Variants in TSEN34 observed in about 807,000 individuals in gnomAD.
TSEN34 encodes the protein tRNA-splicing endonuclease subunit Sen34.
Under a neutral mutation model 30.2 loss-of-function variants are expected in TSEN34, and 25 were observed. That is an observed-to-expected ratio of 0.83 (90% CI 0.60 to 1.16). TSEN34 has a LOEUF of 1.16. TSEN34 is among the 50% of genes most tolerant of loss of function. The pLI, the probability that TSEN34 is intolerant of heterozygous loss-of-function variation, is 0.00. For missense variants in TSEN34, 475 were observed against 411.9 expected (o/e 1.15, Z -1.33); for synonymous variants, 209 against 177.4 (o/e 1.18, Z -1.41).
At chr19:54,190,233 G>A, upstream of TSEN34, 1 of 832,064 alleles carries the variant, frequency 1.2e-6, no homozygotes, top group Non-Finnish European at 1.9e-6. Flanking sequence ...TGCGAGGGGC[G>A]GGACCTGACT....
In TSEN34 at chr19:54,192,139, C is replaced by A; in HGVS notation, c.511C>A (p.Pro171Thr). The change falls in exon 3 of 4, where the codon CCC (proline) becomes ACC (threonine). Residue 171 changes from proline (P) to threonine (T), a missense_variant. Transcript: ENST00000396388. ...EAGPSSSQAG[P>T]SNGVAPLPRS... is the part of the protein sequence containing the mutation. ...AGGCCCCTCGTCTTCCCAAGCAGGA[C>A]CCTCAAATGGGGTAGCCCCCTTGCC... 3.1e-6 allele frequency: 5 copies of A among 1,614,238 alleles called. No individual in the cohort carries two copies. The highest frequency in any genetic ancestry group is 4.2e-6 in the Non-Finnish European group (5 of 1,180,042).
chr19:54,190,688 G>C (rs1055799435), upstream of TSEN34: 16 of 1,228,348 alleles, frequency 1.3e-5, no homozygotes, highest in Non-Finnish European at 1.6e-5. Context: ...ACGTCAAATT[G>C]CTGGCGTTCG....
Position 54,191,369 on chromosome 19 carries a change from TG to T in TSEN34, c.7del (p.Val3TrpfsTer31). On this transcript the variant is annotated frameshift_variant, in exon 1 of 4. Coordinates refer to ENST00000396388, the MANE Select transcript of TSEN34 (RefSeq NM_001077446.4). LOFTEE classifies it high-confidence loss of function. ...CCTCCCGGCTCCCGCAGGAGGATGC[TG>T]GTGGTGGAGGTGGCGAACGGCCGCT... M[L>X]VVEVANGRSL... 6.5e-7 allele frequency: 1 copy of T among 1,550,048 alleles called. No individual in the cohort carries two copies. Among genetic ancestry groups the T allele is most frequent in the Non-Finnish European group, 8.7e-7 (1 of 1,147,206 alleles).
upstream of TSEN34, chr19:54,191,212 C>T: frequency 2.1e-6 from 3 of 1,409,390 alleles, no homozygotes; most frequent in Middle Eastern, 2.6e-4. Flanking sequence ...CGCTCGGGCC[C>T]AGCAGGTGGT....
In TSEN34 at chr19:54,193,604, T is replaced by G; in HGVS notation, c.*242T>G. 1 of 1,372,176 alleles carries G rather than the reference T, an allele frequency of 7.3e-7. No individual in the cohort carries two copies. Among genetic ancestry groups the G allele is most frequent in the South Asian group, 1.2e-5 (1 of 80,682 alleles). 85.0% of individuals were successfully genotyped at this position (1,372,176 alleles called of 1,614,324 possible). ...TCCCGAGAATGGGGCCTGGGTTTGA[T>G]TCATCTGTTTTCTACAGGGTTTAAG... On this transcript the variant is annotated 3_prime_UTR_variant, in exon 4 of 4. Coordinates refer to ENST00000396388, the MANE Select transcript of TSEN34 (RefSeq NM_001077446.4).
intron 3 of TSEN34, 34 bp downstream of exon 3, chr19:54,192,407 C>A: frequency 1.2e-6 from 2 of 1,613,208 alleles, no homozygotes; most frequent in East Asian, 4.5e-5. Context: ...GTTGCTGTGC[C>A]TTTCCATACG....
At position 54,193,896 on chromosome 19, in the gene TSEN34, A is replaced by G. The variant is rs1019220219; in HGVS notation, c.*534A>G. ...TCTATGAAATTTCCCAGATGCATAC[A>G]AACGTTATAAATAAAAATATAGGCT... On this transcript the variant is annotated 3_prime_UTR_variant, in exon 4 of 4. Coordinates refer to ENST00000396388, the MANE Select transcript of TSEN34 (RefSeq NM_001077446.4). The G allele has an allele frequency of 3.5e-6, 2 of 576,152 alleles. No individual in the cohort carries two copies. Among genetic ancestry groups the G allele is most frequent in the African/African-American group, 3.7e-5 (2 of 53,424 alleles). The allele number at this position is 576,152 out of a possible 1,614,324, so 35.7% of individuals were successfully genotyped here. A position where few individuals can be genotyped will look rare whatever the true frequency, so the allele number is the denominator to read the frequency against.
At chr19:54,192,945 T>C (rs1337048330) in intron 3 of TSEN34, among the ~76,000 whole-genome samples, 3 of 138,762 alleles carry the variant, frequency 2.2e-5, no homozygotes, top group Non-Finnish European at 4.5e-5. Context: ...GCAGAGGTTG[T>C]AGTGAGCCAA....
At position 54,193,569 on chromosome 19, in the gene TSEN34, A is replaced by AT; in HGVS notation, c.*207_*208insT. The AT allele has an allele frequency of 2.0e-6, 3 of 1,521,752 alleles. No homozygotes were observed. The highest frequency in any genetic ancestry group is 1.8e-6 in the Non-Finnish European group (2 of 1,133,780). 94.3% of individuals were successfully genotyped at this position (1,521,752 alleles called of 1,614,324 possible). A position where few individuals can be genotyped will look rare whatever the true frequency, so the allele number is the denominator to read the frequency against. ...TGTTTTTGTAGTTACCTATTTTCAC[A>AT]CTGTGAGCTTCCCGAGAATGGGGCC... is the stretch of plus-strand genomic sequence containing the variant. On this transcript the variant is annotated 3_prime_UTR_variant, in exon 4 of 4. Coordinates refer to ENST00000396388, the MANE Select transcript of TSEN34 (RefSeq NM_001077446.4).
chr19:54,191,419 G>T lies in TSEN34; in HGVS notation c.55G>T (p.Val19Leu), dbSNP rs1393398655. ...CTCCCTGGTGTGGGGAGCCGAGGCG[G>T]TGCAGGCCCTCCGGGAGCGCCTGGG... ...GRSLVWGAEA[V>L]QALRERLGVG... is the part of the protein sequence containing the mutation. Residue 19 changes from valine to leucine, a missense_variant, in exon 1 of 4, where the codon GTG becomes TTG. Val to Leu is a conservative substitution (Grantham distance 32). Coordinates refer to ENST00000396388, the MANE Select transcript of TSEN34 (RefSeq NM_001077446.4). 6.5e-7 allele frequency: 1 copy of T among 1,548,882 alleles called. No individual in the cohort carries two copies. Among genetic ancestry groups the T allele is most frequent in the Non-Finnish European group, 8.7e-7 (1 of 1,146,864 alleles).
chr19:54,191,089 G>A, upstream of TSEN34: 1 of 1,322,390 alleles, frequency 7.6e-7, no homozygotes, highest in East Asian at 3.2e-5. Context: ...GGGTCACAAG[G>A]GTAGAGCGGG....
At chr19:54,190,087 G>A, upstream of TSEN34, 1 of 531,428 alleles carries the variant, frequency 1.9e-6, no homozygotes, top group East Asian at 3.5e-5. Context: ...CCCGAGGGCC[G>A]GCGTGCGCCT....
rs369957895 is a variant in TSEN34, at chr19:54,191,768, G to C, written c.291G>C (p.Gln97His). Residue 97 changes from glutamine to histidine, a missense_variant, in exon 2 of 4, where the codon CAG becomes CAC. Coordinates refer to ENST00000396388, the MANE Select transcript of TSEN34 (RefSeq NM_001077446.4). ...AGCAAGAGGAGAGCTTCCAGGAGCA[G>C]AGCGCCTTGGCAGCTGAGGCCCGGG... is the stretch of plus-strand genomic sequence containing the variant. ...KRQQEESFQE[Q>H]SALAAEARET... The C allele has an allele frequency of 2.5e-6, 4 of 1,614,078 alleles. No individual in the cohort carries two copies. In the African/African-American group the frequency reaches 5.3e-5, roughly 22 times the overall value.
At chr19:54,190,514 G>A, upstream of TSEN34, 2 of 1,352,434 alleles carry the variant, frequency 1.5e-6, no homozygotes, top group Non-Finnish European at 1.9e-6. Context: ...CGGCTGTGGG[G>A]TTCGGTCGTA....
At position 54,191,336 on chromosome 19, in the gene TSEN34, C is replaced by G. The variant is rs2076681834; in HGVS notation, c.-29C>G. On this transcript the variant is annotated 5_prime_UTR_variant, in exon 1 of 4. Transcript: ENST00000396388. ...CCGCGGCGCGCAGCTGTTTCGGTAACTGCTTTGCCTCCCGGCTCCCGCAGG... is the reference window on the plus strand; with the variant it reads ...CCGCGGCGCGCAGCTGTTTCGGTAAGTGCTTTGCCTCCCGGCTCCCGCAGG... 1.9e-5 allele frequency: 30 copies of G among 1,548,766 alleles called. No homozygotes were observed. The highest frequency in any genetic ancestry group is 2.5e-5 in the Non-Finnish European group (29 of 1,146,582).
chr19:54,190,547 G>C, upstream of TSEN34: 1 of 1,254,190 alleles, frequency 8.0e-7, no homozygotes, highest in Non-Finnish European at 1.0e-6. Context: ...CCCAACTGGG[G>C]TGCGCTGGCG....
In TSEN34 at chr19:54,191,332, G is replaced by A. The variant is rs587784471; in HGVS notation, c.-33G>A. 6.5e-7 allele frequency: 1 copy of A among 1,548,534 alleles called. No homozygotes were observed. Among genetic ancestry groups the A allele is most frequent in the South Asian group, 1.2e-5 (1 of 84,014 alleles). On this transcript the variant is annotated 5_prime_UTR_variant, in exon 1 of 4. Transcript: ENST00000396388. ...CGGTCCGCGGCGCGCAGCTGTTTCG[G>A]TAACTGCTTTGCCTCCCGGCTCCCG...
chr19:54,191,579 C>T lies in TSEN34; in HGVS notation c.215C>T (p.Pro72Leu), dbSNP rs765988539. Residue 72 changes from proline (P) to leucine (L), a missense_variant, in exon 1 of 4, where the codon CCG becomes CTG. By Grantham distance (98) the Pro-to-Leu change is moderately conservative. Transcript: ENST00000396388. Reference protein sequence around the residue: ...EIGAVTLVSAPRPDSRHHSLA... With the variant: ...EIGAVTLVSALRPDSRHHSLA... The stretch of plus-strand genomic sequence containing the variant: ...GGCGCCGTGACTCTGGTCAGCGCCC[C>T]GCGTCCAGACTCTCGGCACCACAGC... 8.1e-6 allele frequency: 13 copies of T among 1,602,618 alleles called. No homozygotes were observed. Among genetic ancestry groups the T allele is most frequent in the Non-Finnish European group, 1.1e-5 (13 of 1,179,498 alleles).
At chr19:54,191,013 G>GT, upstream of TSEN34, 1 of 1,147,862 alleles carries the variant, frequency 8.7e-7, no homozygotes. Context: ...GCGGAGGTTT[G>GT]TTTTTCACGC....
Sources: allele counts gnomAD v4.1 joint callset (sites outside exome capture counted in the v4.1 genomes callset), GRCh38; gene constraint gnomAD v4.1.1; transcripts MANE v1.5; gene names NCBI Gene and HGNC (gene_info 2026-07-23, HGNC 2026-07-21).